The following GFRA4 variants were observed in gnomAD, a reference collection of about 807,000 sequenced individuals.
The protein encoded by GFRA4 is GDNF family receptor alpha-4.
A neutral mutation model predicts 28.5 loss-of-function variants in GFRA4; 31 were observed. That is an observed-to-expected ratio of 1.09 (90% CI 0.82 to 1.47). GFRA4 has a LOEUF of 1.47. Ranked by LOEUF, GFRA4 falls within the 40% of genes most tolerant of loss-of-function variation. The probability of loss-of-function intolerance (pLI) is 0.00; values close to 1 mark genes in which losing one functional copy is unlikely to be tolerated. For missense variants in GFRA4, 389 were observed against 413.2 expected (o/e 0.94, Z 0.51); for synonymous variants, 188 against 188.0 (o/e 1.00, Z 0.00).
At position 3,663,231 on chromosome 20, in the gene GFRA4, C is replaced by T. The variant is rs959824964; in HGVS notation, c.46+123G>A. The T allele has an allele frequency of 2.5e-6, 3 of 1,222,992 alleles. No individual in the cohort carries two copies. In the African/African-American group the frequency reaches 4.5e-5, roughly 18 times the overall value. 75.8% of individuals were successfully genotyped at this position (1,222,992 alleles called of 1,614,324 possible). The stretch of plus-strand genomic sequence containing the variant: ...GTCCCCAAGCCGTGCGCACAGGCCT[C>T]TCACTGGCAACCCTTCCTGTGGTTC... On this transcript the variant is annotated intron_variant, in intron 1 of 5. Coordinates refer to ENST00000290417, the MANE Select transcript of GFRA4 (RefSeq NM_022139.4).
chr20:3,660,030 T>G (rs2087199882), intron 5 of GFRA4, 41 bp from the exon 6 acceptor site: 1 of 1,533,608 alleles, frequency 6.5e-7, no homozygotes, highest in East Asian at 2.4e-5. Flanking sequence ...GGCAAAAGCC[T>G]GTCTCTGCCC....
intron 1 of GFRA4, among the ~76,000 whole-genome samples, chr20:3,661,610 C>T (rs991728631): frequency 3.3e-5 from 5 of 152,172 alleles, no homozygotes; most frequent in African/African-American, 4.8e-5. Context: ...AAGACGGGTC[C>T]AGGGGCTCCT....
intron 5 of GFRA4, 38 bp downstream of exon 5, chr20:3,660,120 G>T: frequency 6.5e-7 from 1 of 1,539,772 alleles, no homozygotes; most frequent in South Asian, 1.2e-5. Flanking sequence ...GGTGACAGTG[G>T]GGGAGGTGCC....
At chr20:3,660,278 T>C in intron 4 of GFRA4, 29 bp from the exon 5 acceptor site, 5 of 1,560,674 alleles carry the variant, frequency 3.2e-6, no homozygotes, top group Non-Finnish European at 4.4e-6. Context: ...AGGGTGGACT[T>C]AGCTGGGAAA....
chr20:3,660,108 A>AAGGTGACAGTGGGGG (rs756510486), intron 5 of GFRA4, 50 bp downstream of exon 5: 16 of 1,530,638 alleles, frequency 1.0e-5, no homozygotes, highest in Middle Eastern at 1.9e-4. Flanking sequence ...GAAGGGTGTG[A>AAGGTGACAGTGGGGG]AGGTGACAGT....
chr20:3,663,217 G>T, intron 1 of GFRA4, 137 bp downstream of exon 1: 1 of 1,030,626 alleles, frequency 9.7e-7, no homozygotes. Context: ...TCCCCAAGCC[G>T]TGCGCACAGG....
Position 3,661,052 on chromosome 20 carries a change from T to C in GFRA4, c.284A>G (p.Glu95Gly). The change falls in exon 2 of 6, where the codon GAG (glutamate) becomes GGG (glycine). Residue 95 changes from glutamate to glycine, a missense_variant. Glu to Gly is a moderately conservative substitution (Grantham distance 98). Transcript: ENST00000290417. ...FCPCAGPACA[E>G]RRRQTFVPSC... is the part of the protein sequence containing the mutation. ...GGGCACGAAGGTCTGGCGCCGACGC[T>C]CGGCGCACGCGGGGCCCGCGCACGG... 6.9e-7 allele frequency: 1 copy of C among 1,454,362 alleles called. No homozygotes were observed. Among genetic ancestry groups the C allele is most frequent in the Non-Finnish European group, 9.0e-7 (1 of 1,110,554 alleles). The allele number at this position is 1,454,362 out of a possible 1,614,324, so 90.1% of individuals were successfully genotyped here. A position where few individuals can be genotyped will look rare whatever the true frequency, so the allele number is the denominator to read the frequency against.
At position 3,660,176 on chromosome 20, in the gene GFRA4, C is replaced by T. The variant is rs2853208; in HGVS notation, c.711G>A (p.Pro237=). Residue 237 remains proline, a synonymous_variant, in exon 5 of 6, where the codon CCG becomes CCA. Coordinates refer to ENST00000290417, the MANE Select transcript of GFRA4 (RefSeq NM_022139.4). ...LLDQLNPQGD[P]EHSLLQVSST... is the part of the protein sequence containing the mutation. Reference sequence around the variant, plus strand: ...CACCTACCTGCAGGAGGCTGTGCTCCGGGTCTCCCTGGGGGTTCAGCTGGT... The same window carrying T: ...CACCTACCTGCAGGAGGCTGTGCTCTGGGTCTCCCTGGGGGTTCAGCTGGT... 787,633 of 1,591,766 alleles carry T rather than the reference C, an allele frequency of 0.49. 202,057 individuals carry two copies. Among genetic ancestry groups the T allele is most frequent in the Non-Finnish European group, 0.53 (617,104 of 1,169,822 alleles).
intron 4 of GFRA4, 76 bp downstream of exon 4, chr20:3,660,450 C>A: frequency 7.0e-7 from 1 of 1,435,070 alleles, no homozygotes; most frequent in Admixed American, 2.2e-5. Flanking sequence ...TCTAAAATGG[C>A]TCCCAGCCAG....
intron 5 of GFRA4, 48 bp downstream of exon 5, chr20:3,660,110 G>A (rs1028540707): frequency 9.1e-6 from 14 of 1,531,922 alleles, no homozygotes; most frequent in Non-Finnish European, 1.2e-5. Flanking sequence ...AGGGTGTGAA[G>A]GTGACAGTGG....
intron 1 of GFRA4, among the ~76,000 whole-genome samples, chr20:3,662,029 A>C (rs950769625): frequency 6.6e-6 from 1 of 152,108 alleles, no homozygotes; most frequent in Non-Finnish European, 1.5e-5. Context: ...TGAAGAACCC[A>C]CTGAGTCCTG....
Position 3,660,998 on chromosome 20 carries a change from G to A in GFRA4, c.338C>T (p.Ala113Val). The change falls in exon 2 of 6, where the codon GCG becomes GTG. Residue 113 changes from alanine to valine, a missense_variant. Transcript: ENST00000290417. Reference sequence around the variant, plus strand: ...TAAGGGCTCAAGGCAGGAGGGCGGCGCGGGGCCGGGCCCCGAAAAGGCGCA... The same window carrying A: ...TAAGGGCTCAAGGCAGGAGGGCGGCACGGGGCCGGGCCCCGAAAAGGCGCA... ...PSCAFSGPGPAPPSCLEPLNF... is the reference protein window; with the variant it reads ...PSCAFSGPGPVPPSCLEPLNF... 6.8e-7 allele frequency: 1 copy of A among 1,464,206 alleles called. No individual in the cohort carries two copies. The highest frequency in any genetic ancestry group is 9.0e-7 in the Non-Finnish European group (1 of 1,115,762). 90.7% of individuals were successfully genotyped at this position (1,464,206 alleles called of 1,614,324 possible).
In GFRA4 at chr20:3,660,879, G is replaced by T; in HGVS notation, c.393-15C>A. ...GGAGGCGAGGCCTGCGCGGCGGGAG[G>T]GCGGTGAGCCGGAGAGAGGCCCCGT... is the stretch of plus-strand genomic sequence containing the variant. On this transcript the variant is annotated splice_polypyrimidine_tract_variant and intron_variant, in intron 2 of 5. Coordinates refer to ENST00000290417, the MANE Select transcript of GFRA4 (RefSeq NM_022139.4). The T allele has an allele frequency of 7.1e-7, 1 of 1,405,500 alleles. No homozygotes were observed. Among genetic ancestry groups the T allele is most frequent in the Non-Finnish European group, 9.2e-7 (1 of 1,090,068 alleles). The allele number at this position is 1,405,500 out of a possible 1,614,324, so 87.1% of individuals were successfully genotyped here.
rs2087193568 is a variant in GFRA4, at chr20:3,659,496, T to G, written c.*413A>C. ...CTTGTCCGATGGATTCCTTAGGGGG[T>G]TATATGCTTGGGAGGCTGATACAAT... On this transcript the variant is annotated 3_prime_UTR_variant, in exon 6 of 6. Transcript: ENST00000290417. 9.4e-6 allele frequency: 2 copies of G among 211,936 alleles called. No individual in the cohort carries two copies. The highest frequency in any genetic ancestry group is 6.7e-5 in the South Asian group (1 of 14,926). The allele number at this position is 211,936 out of a possible 1,614,324, so 13.1% of individuals were successfully genotyped here.
In GFRA4 at chr20:3,660,768, G is replaced by C; in HGVS notation, c.489C>G (p.Tyr163Ter). ...GGCCGCGCGTACCCACGAGGCCCGC[G>C]TAGGCGCGCAGGCAGCGGGCGCCCT... ...LDQGARCLRA[Y>*]AGLVGTAVTP... Residue 163 changes from tyrosine to a stop codon, truncating the protein, a stop_gained, in exon 3 of 6, where the codon TAC (tyrosine) becomes TAG (stop). Transcript: ENST00000290417. LOFTEE classifies it high-confidence loss of function. The C allele has an allele frequency of 3.5e-6, 5 of 1,416,826 alleles. No homozygotes were observed. Among genetic ancestry groups the C allele is most frequent in the Non-Finnish European group, 2.7e-6 (3 of 1,094,890 alleles). The allele number at this position is 1,416,826 out of a possible 1,614,324, so 87.8% of individuals were successfully genotyped here. A position where few individuals can be genotyped will look rare whatever the true frequency, so the allele number is the denominator to read the frequency against.
chr20:3,661,337 A>G lies in GFRA4; in HGVS notation c.47-48T>C, dbSNP rs116604364. Reference sequence around the variant, plus strand: ...GCAGGTCTCAGTGCGCCCCGCATGCACACTTCACCCAGCCCATCCACGCCC... The same window carrying G: ...GCAGGTCTCAGTGCGCCCCGCATGCGCACTTCACCCAGCCCATCCACGCCC... On this transcript the variant is annotated intron_variant, in intron 1 of 5. Transcript: ENST00000290417. 2,091 of 1,380,434 alleles carry G rather than the reference A, an allele frequency of 1.5e-3. 34 individuals are homozygous for G. The African/African-American group carries it at 0.028, about 18-fold the overall frequency. 85.5% of individuals were successfully genotyped at this position (1,380,434 alleles called of 1,614,324 possible). A position where few individuals can be genotyped will look rare whatever the true frequency, so the allele number is the denominator to read the frequency against.
At chr20:3,661,945 T>G (rs1189167595) in intron 1 of GFRA4, among the ~76,000 whole-genome samples, 8 of 152,150 alleles carry the variant, frequency 5.3e-5, no homozygotes, top group Non-Finnish European at 1.0e-4. Flanking sequence ...CTGCCCCATC[T>G]GCACTGGCTT....
chr20:3,660,000 G>A lies in GFRA4; in HGVS notation c.730-11C>T, dbSNP rs767443200. On this transcript the variant is annotated splice_polypyrimidine_tract_variant and intron_variant, in intron 5 of 5. Coordinates refer to ENST00000290417, the MANE Select transcript of GFRA4 (RefSeq NM_022139.4). ...GCCTGTGGAGGACACCTTGGGGGTG[G>A]GAGCCAAGTGCAGACTTGAGGCAAA... is the stretch of plus-strand genomic sequence containing the variant. 7 of 1,561,970 alleles carry A rather than the reference G, an allele frequency of 4.5e-6. No homozygotes were observed. Among genetic ancestry groups the A allele is most frequent in the Non-Finnish European group, 5.2e-6 (6 of 1,153,144 alleles).
intron 1 of GFRA4, among the ~76,000 whole-genome samples, chr20:3,662,632 G>A (rs1251410185): frequency 6.6e-6 from 1 of 152,206 alleles, no homozygotes; most frequent in Non-Finnish European, 1.5e-5. Context: ...GGCTTAGAAT[G>A]GTCCCTGAGT....
Sources: allele counts gnomAD v4.1 joint callset (sites outside exome capture counted in the v4.1 genomes callset), GRCh38; gene constraint gnomAD v4.1.1; transcripts MANE v1.5; gene names NCBI Gene and HGNC (gene_info 2026-07-23, HGNC 2026-07-21).